The following ARHGAP15 variants were observed in gnomAD, a reference collection of about 807,000 sequenced individuals.
The protein encoded by ARHGAP15 is rho GTPase-activating protein 15.
Under a neutral mutation model 63.7 loss-of-function variants are expected in ARHGAP15, and 51 were observed. The observed-to-expected ratio is 0.80, with a 90% CI of 0.64 to 1.01. The LOEUF (loss-of-function observed/expected upper bound fraction) is 1.01. ARHGAP15 is among the 50% of genes least tolerant of loss of function. The pLI is 0.00. For missense variants in ARHGAP15, 560 were observed against 564.6 expected (o/e 0.99, Z 0.08); for synonymous variants, 191 against 193.8 (o/e 0.99, Z 0.12).
intron 13 of ARHGAP15, among the ~76,000 whole-genome samples, chr2:143,741,700 T>C (rs569262774): frequency 6.6e-6 from 1 of 152,324 alleles, no homozygotes; most frequent in East Asian, 1.9e-4. Flanking sequence ...CTGCTGCTAT[T>C]GTTTTAAAAT....
intron 12 of ARHGAP15, among the ~76,000 whole-genome samples, chr2:143,670,444 G>A (rs987658914): frequency 6.6e-6 from 1 of 152,196 alleles, no homozygotes; most frequent in Admixed American, 6.5e-5. Context: ...TGCAAAGGAT[G>A]CGGAAGATCA....
intron 6 of ARHGAP15, among the ~76,000 whole-genome samples, chr2:143,434,112 A>G (rs1436525344): frequency 6.6e-6 from 1 of 152,118 alleles, no homozygotes; most frequent in African/African-American, 2.4e-5. Flanking sequence ...GAGCCATCCT[A>G]AATCTTATAT....
intron 12 of ARHGAP15, among the ~76,000 whole-genome samples, chr2:143,683,881 G>T (rs141858115): frequency 1.0e-3 from 154 of 152,140 alleles, no homozygotes; most frequent in Non-Finnish European, 1.7e-3. Context: ...ACCTGCAAGG[G>T]TATTTGCATG....
chr2:143,407,987 G>GTGTATATATATATA (rs1357709703), intron 6 of ARHGAP15, among the ~76,000 whole-genome samples: 1 of 77,454 alleles, frequency 1.3e-5, no homozygotes, highest in Admixed American at 1.1e-4. Context: ...TTCTGTGTGT[G>GTGTATATATATATA]TATATATATA....
At chr2:143,765,910 TATG>T (rs1368953617) in intron 13 of ARHGAP15, among the ~76,000 whole-genome samples, 2 of 152,150 alleles carry the variant, frequency 1.3e-5, no homozygotes, top group Non-Finnish European at 2.9e-5. Flanking sequence ...ATGGGCTTGT[TATG>T]ATGATGAAAT....
chr2:143,273,630 T>C (rs925725159), intron 6 of ARHGAP15, among the ~76,000 whole-genome samples: 1 of 152,156 alleles, frequency 6.6e-6, no homozygotes, highest in East Asian at 1.9e-4. Flanking sequence ...ATGCCATATG[T>C]TGCATGACAT....
chr2:143,280,070 T>C (rs1681764474), intron 6 of ARHGAP15, among the ~76,000 whole-genome samples: 1 of 152,174 alleles, frequency 6.6e-6, no homozygotes, highest in South Asian at 2.1e-4. Context: ...AGAAATGAAT[T>C]CAACCTATAA....
At chr2:143,255,253 G>C (rs752124921) in intron 6 of ARHGAP15, among the ~76,000 whole-genome samples, 1 of 151,890 alleles carries the variant, frequency 6.6e-6, no homozygotes, top group Non-Finnish European at 1.5e-5. Context: ...TAAAGAAGAG[G>C]AAAGTCTGTT....
chr2:143,375,346 T>C (rs1028781759), intron 6 of ARHGAP15, among the ~76,000 whole-genome samples: 1 of 152,190 alleles, frequency 6.6e-6, no homozygotes, highest in South Asian at 2.1e-4. Context: ...AGAGCACTAT[T>C]AAATGTAAAT....
chr2:143,499,592 A>G (rs1328165895), intron 9 of ARHGAP15, among the ~76,000 whole-genome samples: 1 of 152,208 alleles, frequency 6.6e-6, no homozygotes, highest in Non-Finnish European at 1.5e-5. Flanking sequence ...AAACTGAGAT[A>G]AATTTTGATG....
At chr2:143,752,592 T>A (rs1412964476) in intron 13 of ARHGAP15, among the ~76,000 whole-genome samples, 1 of 152,120 alleles carries the variant, frequency 6.6e-6, no homozygotes, top group Non-Finnish European at 1.5e-5. Context: ...CTGGGACCAC[T>A]CATAGAACTA....
intron 12 of ARHGAP15, among the ~76,000 whole-genome samples, chr2:143,694,011 TTTTTAAGTAGACAGTC>T (rs1246942932): frequency 1.3e-5 from 2 of 152,234 alleles, no homozygotes; most frequent in African/African-American, 4.8e-5. Context: ...ATAATTATTT[TTTTTAAGTAGACAGTC>T]TTTCAACTTC....
At chr2:143,469,790 A>T (rs779307506) in intron 8 of ARHGAP15, among the ~76,000 whole-genome samples, 65 of 152,342 alleles carry the variant, frequency 4.3e-4, no homozygotes, top group Non-Finnish European at 7.4e-4. Flanking sequence ...ATATATTTTT[A>T]AAATTAATAC....
chr2:143,206,632 A>G (rs1226372553), intron 3 of ARHGAP15, among the ~76,000 whole-genome samples: 1 of 151,990 alleles, frequency 6.6e-6, no homozygotes, highest in African/African-American at 2.4e-5. Context: ...TATTGCTCTT[A>G]CTGAGCTATA....
intron 13 of ARHGAP15, among the ~76,000 whole-genome samples, chr2:143,747,293 C>G (rs1686205168): frequency 6.6e-6 from 1 of 152,046 alleles, no homozygotes; most frequent in Non-Finnish European, 1.5e-5. Flanking sequence ...TACTTCCTCT[C>G]CACCCACCAC....
Position 143,266,144 on chromosome 2 carries a change from A to G in ARHGAP15, c.474+15544A>G, listed in dbSNP as rs190680660. On this transcript the variant is annotated intron_variant, in intron 6 of 13. Coordinates refer to ENST00000295095, the MANE Select transcript of ARHGAP15 (RefSeq NM_018460.4). Reference sequence around the variant, plus strand: ...GTCAGTTTTCAAAAATATCTAATTTATGGTTAGGAAACTGAATAACAGTCA... The same window carrying G: ...GTCAGTTTTCAAAAATATCTAATTTGTGGTTAGGAAACTGAATAACAGTCA... 1.2e-3 allele frequency among the ~76,000 whole-genome samples: 180 copies of G among 152,218 alleles called. 2 individuals carry two copies. Among genetic ancestry groups the G allele is most frequent in the African/African-American group, 4.1e-3 (171 of 41,542 alleles).
intron 7 of ARHGAP15, 51 bp from the exon 8 acceptor site, chr2:143,436,861 GA>G: frequency 1.3e-6 from 2 of 1,575,970 alleles, no homozygotes; most frequent in Non-Finnish European, 1.7e-6. Context: ...ATTCTATGGT[GA>G]ATCCTTTCTT....
intron 10 of ARHGAP15, among the ~76,000 whole-genome samples, chr2:143,530,838 T>A (rs971197809): frequency 6.6e-6 from 1 of 152,208 alleles, no homozygotes; most frequent in African/African-American, 2.4e-5. Context: ...TTTAGTATCA[T>A]CAGCAAATTT....
At chr2:143,548,650 G>C (rs558825625) in intron 10 of ARHGAP15, among the ~76,000 whole-genome samples, 9 of 151,514 alleles carry the variant, frequency 5.9e-5, no homozygotes, top group African/African-American at 2.2e-4. Context: ...ACAAATACCT[G>C]GGAAATTAAA....
Sources: gnomAD v4.1 joint callset for allele counts (sites outside exome capture counted in the v4.1 genomes callset) on GRCh38, gnomAD v4.1.1 for gene constraint, MANE v1.5 for transcripts, NCBI Gene and HGNC (gene_info 2026-07-23, HGNC 2026-07-21) for gene names.